TTC3: variants seen among roughly 807,000 people sequenced by gnomAD.
TTC3 encodes the protein tetratricopeptide repeat domain 3.
Under a neutral mutation model 249.6 loss-of-function variants are expected in TTC3, and 180 were observed. The observed-to-expected ratio is 0.72, with a 90% CI of 0.64 to 0.82. The LOEUF (loss-of-function observed/expected upper bound fraction) is 0.82. Among genes scored for constraint, TTC3 ranks in the 40% least tolerant of loss-of-function variants. The pLI is 0.00. For synonymous variants in TTC3, 717 were observed against 805.0 expected (o/e 0.89, Z 1.85); for missense variants, 2,061 against 2,398.4 (o/e 0.86, Z 2.94).
chr21:37,073,672 AC>A (rs2070362062), intron 1 of TTC3, among the ~76,000 whole-genome samples, 199 bp downstream of exon 1: 1 of 150,144 alleles, frequency 6.7e-6, no homozygotes, highest in African/African-American at 2.5e-5. Context: ...TTTGTGCGCA[AC>A]CCCCCGCTGC....
At chr21:37,083,494 C>A in intron 1 of TTC3, 2 of 722,006 alleles carry the variant, frequency 2.8e-6, no homozygotes, top group Non-Finnish European at 3.4e-6. Context: ...TGGCACTGGG[C>A]ATGAAGAAGT....
chr21:37,144,419 C>G, intron 20 of TTC3, 106 bp from the exon 21 acceptor site: 1 of 1,307,562 alleles, frequency 7.6e-7, no homozygotes, highest in Non-Finnish European at 1.0e-6. Context: ...TTCAGTGATT[C>G]ATCAAATGTA....
rs758928224 is a variant in TTC3 at position 37,188,455 on chromosome 21, C to T, written c.4924-40C>T. On this transcript the variant is annotated intron_variant, in intron 38 of 45. Transcript: ENST00000355666. The stretch of plus-strand genomic sequence containing the variant: ...AACCTTTAAAATAGTTTCAGGCTGT[C>T]ATTTGTAAAATACTCATATGTCTTC... The T allele has an allele frequency of 3.3e-6, 5 of 1,505,378 alleles. No homozygotes were observed. In the African/African-American group the frequency reaches 6.9e-5, roughly 21 times the overall value. 93.3% of individuals were successfully genotyped at this position (1,505,378 alleles called of 1,614,324 possible).
chr21:37,101,152 G>GTGTTTACT (rs1214076309), intron 10 of TTC3: 1 of 152,180 alleles, frequency 6.6e-6, no homozygotes, highest in East Asian at 1.9e-4. Flanking sequence ...TTTAAACTTG[G>GTGTTTACT]TGTTTACTTG....
At chr21:37,167,464 G>C (rs1031493922) in intron 33 of TTC3, 91 bp from the exon 34 acceptor site, 7 of 894,412 alleles carry the variant, frequency 7.8e-6, no homozygotes, top group Middle Eastern at 2.3e-4. Flanking sequence ...TGAAAAAATT[G>C]TGGGTGTGTT....
intron 12 of TTC3, 46 bp from the exon 13 acceptor site, chr21:37,122,937 C>T (rs1220401741): frequency 1.3e-6 from 2 of 1,593,070 alleles, no homozygotes; most frequent in Admixed American, 1.7e-5. Flanking sequence ...TCTGTGTTGC[C>T]AATCCATTGA....
chr21:37,170,599 T>C (rs1569135266), intron 34 of TTC3, among the ~76,000 whole-genome samples: 1 of 152,190 alleles, frequency 6.6e-6, no homozygotes, highest in Non-Finnish European at 1.5e-5. Flanking sequence ...AATTATGATA[T>C]ACCTATAAAA....
At chr21:37,087,641 G>A (rs930243265) in intron 2 of TTC3, among the ~76,000 whole-genome samples, 192 bp from the exon 3 acceptor site, 2 of 152,126 alleles carry the variant, frequency 1.3e-5, no homozygotes, top group Non-Finnish European at 2.9e-5. Flanking sequence ...AAAGCTCTTG[G>A]GGAGAGCCAT....
At chr21:37,175,300 T>C (rs2082163360) in intron 35 of TTC3, among the ~76,000 whole-genome samples, 1 of 137,142 alleles carries the variant, frequency 7.3e-6, no homozygotes, top group South Asian at 2.4e-4. Context: ...ATGCTTAGCA[T>C]ATACAGGCCG....
chr21:37,158,885 A>G (rs1439873206), intron 28 of TTC3, among the ~76,000 whole-genome samples: 1 of 152,100 alleles, frequency 6.6e-6, no homozygotes, highest in East Asian at 1.9e-4. Flanking sequence ...CCAAGACCTT[A>G]GTTGTCTTTC....
At chr21:37,175,898 T>A (rs1306399606) in intron 35 of TTC3, among the ~76,000 whole-genome samples, 1 of 25,754 alleles carries the variant, frequency 3.9e-5, no homozygotes, top group Non-Finnish European at 7.2e-5. Context: ...GCCTCCTGGG[T>A]AGCTGGGATT....
intron 30 of TTC3, 49 bp downstream of exon 30, chr21:37,160,907 T>TCCAACTAATGTA (rs1458772966): frequency 6.4e-7 from 1 of 1,562,268 alleles, no homozygotes; most frequent in African/African-American, 1.4e-5. Context: ...TCCAAAATAG[T>TCCAACTAATGTA]TAGTTGGACA....
chr21:37,113,372 A>G (rs1030628945), intron 11 of TTC3, among the ~76,000 whole-genome samples: 2 of 152,206 alleles, frequency 1.3e-5, no homozygotes, highest in Non-Finnish European at 2.9e-5. Context: ...TGCAAAAATC[A>G]CAAGCATTCT....
At chr21:37,192,685 C>T (rs2084323659) in intron 41 of TTC3, among the ~76,000 whole-genome samples, 1 of 152,176 alleles carries the variant, frequency 6.6e-6, no homozygotes, top group Non-Finnish European at 1.5e-5. Flanking sequence ...TAAGAGGTTT[C>T]CTCCTCAAAT....
chr21:37,130,554 C>T (rs921348414), intron 16 of TTC3, among the ~76,000 whole-genome samples: 1 of 152,138 alleles, frequency 6.6e-6, no homozygotes, highest in Non-Finnish European at 1.5e-5. Flanking sequence ...GTACTTTAGT[C>T]GTCATTACTG....
At chr21:37,121,710 A>G in intron 11 of TTC3, 107 bp from the exon 12 acceptor site, 1 of 1,069,096 alleles carries the variant, frequency 9.4e-7, no homozygotes, top group Non-Finnish European at 1.3e-6. Context: ...ACCTAATCTA[A>G]TATTTTAAGT....
intron 23 of TTC3, 47 bp downstream of exon 23, chr21:37,148,694 T>C (rs2079192355): frequency 7.7e-7 from 1 of 1,299,554 alleles, no homozygotes; most frequent in Admixed American, 2.5e-5. Context: ...ACTTATTGTA[T>C]GTCAATTTTT....
At chr21:37,121,438 ACTG>A in intron 11 of TTC3, 1 of 159,098 alleles carries the variant, frequency 6.3e-6, no homozygotes, top group South Asian at 1.9e-4. Flanking sequence ...AGAGATTGTT[ACTG>A]CCTTCAAATA....
At chr21:37,096,911 G>A (rs73901855) in intron 10 of TTC3, 3,800 of 289,266 alleles carry the variant, frequency 0.013, 140 homozygotes, top group African/African-American at 0.076. Context: ...TAATAGGTAG[G>A]TAATGTTATA....
Sources: gnomAD v4.1 joint callset for allele counts (sites outside exome capture counted in the v4.1 genomes callset) on GRCh38, gnomAD v4.1.1 for gene constraint, MANE v1.5 for transcripts, NCBI Gene and HGNC (gene_info 2026-07-23, HGNC 2026-07-21) for gene names.